TNFSF4: variants seen among roughly 807,000 people sequenced by gnomAD.
The protein encoded by TNFSF4 is TNF superfamily member 4.
Under a neutral mutation model 7.3 loss-of-function variants are expected in TNFSF4, and 4 were observed. That is an observed-to-expected ratio of 0.55 (90% CI 0.27 to 1.25). The LOEUF is 1.25. Among genes scored for constraint, TNFSF4 ranks in the 50% most tolerant of loss-of-function variants. TNFSF4 has a pLI of 0.12. For missense variants in TNFSF4, 181 were observed against 208.8 expected, an observed-to-expected ratio of 0.87 and a Z score of 0.82; for synonymous variants, 76 against 83.7, an observed-to-expected ratio of 0.91 and a Z score of 0.50.
chr1:173,360,578 GC>G, the TNFSF4 span, among the ~76,000 whole-genome samples: 3 of 152,176 alleles, frequency 2.0e-5, no homozygotes, highest in Non-Finnish European at 4.4e-5. Context: ...TATGACCTTG[GC>G]TTTTACTGTT....
chr1:173,182,105 T>G (rs1406864273), downstream of TNFSF4, among the ~76,000 whole-genome samples: 1 of 152,206 alleles, frequency 6.6e-6, no homozygotes, highest in Non-Finnish European at 1.5e-5. Flanking sequence ...TTATTAAACA[T>G]TCACTTCTGA....
At chr1:173,198,448 T>C (rs1345502488) in intron 1 of TNFSF4, among the ~76,000 whole-genome samples, 1 of 152,240 alleles carries the variant, frequency 6.6e-6, no homozygotes. Context: ...ACCCCTCTGC[T>C]GTAACAAAAG....
chr1:173,441,553 G>A, the TNFSF4 span, among the ~76,000 whole-genome samples: 1 of 152,188 alleles, frequency 6.6e-6, no homozygotes, highest in Non-Finnish European at 1.5e-5. Flanking sequence ...GAACCCGGGA[G>A]GTGGAGGTTG....
chr1:173,194,605 T>G (rs1649616528), intron 1 of TNFSF4, among the ~76,000 whole-genome samples: 1 of 152,018 alleles, frequency 6.6e-6, no homozygotes, highest in Non-Finnish European at 1.5e-5. Flanking sequence ...AAAAAGGGCC[T>G]GGTGCGGTAG....
the TNFSF4 span, among the ~76,000 whole-genome samples, chr1:173,232,174 G>A: frequency 6.6e-6 from 1 of 152,052 alleles, no homozygotes; most frequent in Non-Finnish European, 1.5e-5. Flanking sequence ...TCCTAGAAGA[G>A]GTCCTTCGTG....
the TNFSF4 span, among the ~76,000 whole-genome samples, chr1:173,264,132 A>C: frequency 2.0e-5 from 3 of 152,086 alleles, no homozygotes; most frequent in Admixed American, 1.3e-4. Flanking sequence ...ACTTAAAATA[A>C]AATTTTTAAA....
the TNFSF4 span, among the ~76,000 whole-genome samples, chr1:173,309,570 T>C: frequency 2.0e-5 from 3 of 151,940 alleles, no homozygotes; most frequent in African/African-American, 7.2e-5. Context: ...CTTTTATATA[T>C]TGCTGAATTT....
At chr1:173,447,757 C>T in the TNFSF4 span, among the ~76,000 whole-genome samples, 1 of 151,878 alleles carries the variant, frequency 6.6e-6, no homozygotes, top group African/African-American at 2.4e-5. Flanking sequence ...ACTAGAAAAT[C>T]AATAATAAAA....
chr1:173,395,073 A>AGATAGATG, the TNFSF4 span, among the ~76,000 whole-genome samples: 1 of 151,712 alleles, frequency 6.6e-6, no homozygotes, highest in African/African-American at 2.4e-5. Context: ...ATAGATAGAT[A>AGATAGATG]GATAGCTATA....
the TNFSF4 span, among the ~76,000 whole-genome samples, chr1:173,265,806 C>A: frequency 0.016 from 2,451 of 152,206 alleles, 70 homozygotes; most frequent in African/African-American, 0.057. Flanking sequence ...TATTCCCATT[C>A]ATTATTTTAA....
At chr1:173,358,737 C>T in the TNFSF4 span, among the ~76,000 whole-genome samples, 675 of 152,276 alleles carry the variant, frequency 4.4e-3, 3 homozygotes, top group African/African-American at 0.015. Flanking sequence ...ACTGAATGAT[C>T]TTTACTCATA....
chr1:173,421,015 G>A, the TNFSF4 span, among the ~76,000 whole-genome samples: 1 of 152,078 alleles, frequency 6.6e-6, no homozygotes, highest in African/African-American at 2.4e-5. Context: ...ATAGTTATGT[G>A]TTGACTACAC....
the TNFSF4 span, among the ~76,000 whole-genome samples, chr1:173,345,125 AG>A: frequency 6.6e-6 from 1 of 152,226 alleles, no homozygotes; most frequent in East Asian, 1.9e-4. Flanking sequence ...ATTAATGCAG[AG>A]GCCCTTTGTA....
chr1:173,294,224 C>T, the TNFSF4 span, among the ~76,000 whole-genome samples: 1 of 151,908 alleles, frequency 6.6e-6, no homozygotes, highest in African/African-American at 2.4e-5. Flanking sequence ...CAACAGTAGA[C>T]TAGATAAAGA....
the TNFSF4 span, among the ~76,000 whole-genome samples, chr1:173,428,411 A>T: frequency 1.4e-4 from 22 of 152,368 alleles, no homozygotes; most frequent in African/African-American, 4.6e-4. Flanking sequence ...CAAAGTACTC[A>T]GTTTTTCAAC....
At chr1:173,294,535 A>T in the TNFSF4 span, among the ~76,000 whole-genome samples, 1 of 151,934 alleles carries the variant, frequency 6.6e-6, no homozygotes, top group African/African-American at 2.4e-5. Flanking sequence ...CATACCCCAA[A>T]CCTCCACAAC....
At chr1:173,257,280 G>A in the TNFSF4 span, among the ~76,000 whole-genome samples, 1 of 152,194 alleles carries the variant, frequency 6.6e-6, no homozygotes, top group Admixed American at 6.5e-5. Context: ...CATCATTGTG[G>A]CTTTAGCTAT....
chr1:173,350,516 T>A, the TNFSF4 span, among the ~76,000 whole-genome samples: 1 of 152,212 alleles, frequency 6.6e-6, no homozygotes, highest in African/African-American at 2.4e-5. Flanking sequence ...AAGAAGCTAC[T>A]GTATTAGATG....
the TNFSF4 span, among the ~76,000 whole-genome samples, chr1:173,268,892 C>A: frequency 1.3e-4 from 19 of 151,960 alleles, no homozygotes; most frequent in South Asian, 2.1e-4. Context: ...AGGAATATAG[C>A]AAAATGATAT....
Sources: gnomAD v4.1 joint callset for allele counts (sites outside exome capture counted in the v4.1 genomes callset) on GRCh38, gnomAD v4.1.1 for gene constraint, MANE v1.5 for transcripts, NCBI Gene and HGNC (gene_info 2026-07-23, HGNC 2026-07-21) for gene names.